Variants in TTN observed in about 807,000 individuals in gnomAD.
TTN encodes the protein connectin.
Under a neutral mutation model 3,223.0 loss-of-function variants are expected in TTN, and 1,525 were observed. That is an observed-to-expected ratio of 0.47 (90% confidence interval 0.45 to 0.49). TTN has a LOEUF of 0.49. Ranked by LOEUF, TTN falls within the 20% of genes least tolerant of loss-of-function variation. The probability of loss-of-function intolerance (pLI) is 0.00; values close to 1 mark genes in which losing one functional copy is unlikely to be tolerated. For synonymous variants in TTN, 14,094 were observed against 15,161.0 expected (o/e 0.93, Z 5.17); for missense variants, 40,786 against 43,424.0 (o/e 0.94, Z 5.40).
At position 178,589,985 on chromosome 2, in the gene TTN, A is replaced by G. The variant is rs750575772; in HGVS notation, c.61740T>C (p.Asn20580=). ...PGPCQNLKVT[N]VTKENCTISW... is the part of the protein sequence containing the mutation. ...AAATTGTACAGTTCTCTTTGGTTAC[A>G]TTGGTAACCTTCAAATTCTGGCAAG... Residue 20580 remains asparagine, a synonymous_variant, in exon 304 of 363, where the codon AAT becomes AAC. Coordinates refer to ENST00000589042, the MANE Select transcript of TTN (RefSeq NM_001267550.2). The G allele has an allele frequency of 5.0e-5, 81 of 1,613,156 alleles. 4 individuals are homozygous for G. The South Asian group carries it at 8.2e-4, about 16-fold the overall frequency.
rs1169966053 is a variant in TTN, at chr2:178,652,828, C to A, written c.38959+20G>T. On this transcript the variant is annotated intron_variant, in intron 200 of 362. Transcript: ENST00000589042. ...ATAGAGGAGTTTGATCTTCTGAAGC[C>A]TAAAGCCAGTGACAAATACCTTTAA... is the stretch of plus-strand genomic sequence containing the variant. The A allele has an allele frequency of 6.2e-7, 1 of 1,604,492 alleles. No individual in the cohort carries two copies. Among genetic ancestry groups the A allele is most frequent in the Non-Finnish European group, 8.5e-7 (1 of 1,176,856 alleles).
chr2:178,537,964 T>A, intron 354 of TTN, 47 bp from the exon 355 acceptor site: 1 of 1,449,260 alleles, frequency 6.9e-7, no homozygotes, highest in Non-Finnish European at 9.3e-7. Flanking sequence ...ATACTCAATC[T>A]GTAATCCTTT....
At chr2:178,677,091 CTG>C (rs2068235837) in intron 147 of TTN, 108 bp downstream of exon 147, 3 of 570,514 alleles carry the variant, frequency 5.3e-6, no homozygotes, top group Non-Finnish European at 7.3e-6. Flanking sequence ...AAATATGTAA[CTG>C]TGTGATTATC....
chr2:178,667,774 A>C, intron 159 of TTN, 53 bp from the exon 160 acceptor site: 4 of 1,284,372 alleles, frequency 3.1e-6, no homozygotes, highest in Non-Finnish European at 4.3e-6. Context: ...TGGATAAAGA[A>C]GTGTATTAAG....
chr2:178,759,948 G>A (rs2088601699), intron 43 of TTN, among the ~76,000 whole-genome samples: 1 of 152,182 alleles, frequency 6.6e-6, no homozygotes, highest in Non-Finnish European at 1.5e-5. Flanking sequence ...AGGTTATTGT[G>A]TTGTAATAAT....
At chr2:178,619,144 T>G in intron 250 of TTN, 1 of 435,748 alleles carries the variant, frequency 2.3e-6, no homozygotes, top group South Asian at 2.8e-5. Context: ...ACATGTTTTG[T>G]TTTGTTTTTT....
At chr2:178,627,017 T>C (rs936896274) in intron 240 of TTN, among the ~76,000 whole-genome samples, 1 of 151,880 alleles carries the variant, frequency 6.6e-6, no homozygotes, top group African/African-American at 2.4e-5. Context: ...ATGAAATGAA[T>C]GTTGAAGATT....
chr2:178,731,085 G>A lies in TTN; in HGVS notation c.17580C>T (p.Gly5860=), dbSNP rs777863021. 24 of 1,613,498 alleles carry A rather than the reference G, an allele frequency of 1.5e-5. No individual in the cohort carries two copies. Among genetic ancestry groups the A allele is most frequent in the Non-Finnish European group, 1.9e-5 (23 of 1,179,704 alleles). Residue 5860 remains glycine (G), a synonymous_variant, in exon 60 of 363, where the codon GGC becomes GGT. Coordinates refer to ENST00000589042, the MANE Select transcript of TTN (RefSeq NM_001267550.2). ...KEITAKWFKD[G]QELTLGSKYK... ...ATTTTGAGCCCAGGGTCAGTTCTTG[G>A]CCATCTTTAAACCATTTGGCTGTAA...
chr2:178,724,029 C>T lies in TTN; in HGVS notation c.21230G>A (p.Trp7077Ter). Residue 7077 changes from tryptophan to a stop codon, truncating the protein, a stop_gained, in exon 73 of 363, where the codon TGG becomes TAG. Transcript: ENST00000589042. LOFTEE classifies it high-confidence loss of function. ...GACAATCTTGGTTTTCTCATGAAAC[C>T]AGGCAACTGAAATAGGTGATGATCC... Reference protein sequence around the residue: ...VAGSSPISVAWFHEKTKIVSG... With the variant: ...VAGSSPISVA The T allele has an allele frequency of 1.2e-6, 2 of 1,613,516 alleles. No individual in the cohort carries two copies. Among genetic ancestry groups the T allele is most frequent in the Non-Finnish European group, 1.7e-6 (2 of 1,179,622 alleles).
chr2:178,581,978 T>C lies in TTN; in HGVS notation c.66391A>G (p.Thr22131Ala), dbSNP rs140842479. 130 of 1,613,352 alleles carry C rather than the reference T, an allele frequency of 8.1e-5. No homozygotes were observed. In the African/African-American group the frequency reaches 1.3e-3, roughly 16 times the overall value. ...CCTGGTCCAGCTTTATTTATAGCTG[T>C]AACACGGAACTCATATTCGGTACCT... ...QEGTEYEFRVTAINKAGPGKP... is the reference protein window; with the variant it reads ...QEGTEYEFRVAAINKAGPGKP... The change falls in exon 315 of 363, where the codon ACA (threonine) becomes GCA (alanine). Residue 22131 changes from threonine (T) to alanine (A), a missense_variant. By Grantham distance (58) the Thr-to-Ala change is moderately conservative. Transcript: ENST00000589042.
rs1349154909 is a variant in TTN, at chr2:178,715,534, G to A, written c.25880C>T (p.Ala8627Val). 2 of 1,613,280 alleles carry A rather than the reference G, an allele frequency of 1.2e-6. No homozygotes were observed. Among genetic ancestry groups the A allele is most frequent in the Non-Finnish European group, 1.7e-6 (2 of 1,179,484 alleles). ...SGDYTCEAHN[A>V]AGSASSSTSL... ...TGTGCTGCTGCTGGCACTGCCTGCT[G>A]CATTGTGGGCCTCACAGGTGTAGTC... Residue 8627 changes from alanine to valine, a missense_variant, in exon 89 of 363, where the codon GCA becomes GTA. Transcript: ENST00000589042.
At chr2:178,749,967 GT>G (rs1164686211) in intron 47 of TTN, 4 of 1,613,200 alleles carry the variant, frequency 2.5e-6, no homozygotes, top group Non-Finnish European at 3.4e-6. Flanking sequence ...ACAAATCTGT[GT>G]TTTGGTGATT....
rs1554006249 is a variant in TTN, at chr2:178,775,996, CT to C, written c.5867del (p.Lys1956SerfsTer22). 6.2e-7 allele frequency: 1 copy of C among 1,614,152 alleles called. No individual in the cohort carries two copies. The highest frequency in any genetic ancestry group is 8.5e-7 in the Non-Finnish European group (1 of 1,180,006). ...CCACTTTTTGTACTTCAAACTGAAG[CT>C]TTCCTGGTTCATGTACGTGAAACTC... ...RPEFHVHEPG[K>X]LQFEVQKVDR... On this transcript the variant is annotated frameshift_variant, in exon 28 of 363. Transcript: ENST00000589042. LOFTEE classifies it high-confidence loss of function.
Position 178,554,993 on chromosome 2 carries a change from A to G in TTN, c.88466T>C (p.Val29489Ala). The part of the protein sequence containing the change: ...KELQTNALVC[V>A]ENTTDLASIL... ...AGATGCGAGGTCCGTGGTATTTTCA[A>G]CACACACCAGTGCATTGGTTTGTAA... Residue 29489 changes from valine (V) to alanine (A), a missense_variant, in exon 331 of 363, where the codon GTT becomes GCT. Val to Ala is a moderately conservative substitution (Grantham distance 64, BLOSUM62 0). Transcript: ENST00000589042. 6.2e-7 allele frequency: 1 copy of G among 1,613,680 alleles called. No individual in the cohort carries two copies. The highest frequency in any genetic ancestry group is 8.5e-7 in the Non-Finnish European group (1 of 1,179,780).
At chr2:178,806,199 AT>A (rs908325461) in intron 1 of TTN, among the ~76,000 whole-genome samples, 3 of 151,996 alleles carry the variant, frequency 2.0e-5, no homozygotes, top group African/African-American at 4.8e-5. Context: ...GCTTTCATAA[AT>A]TTTTTTTGTC....
At position 178,559,359 on chromosome 2, in the gene TTN, A is replaced by T. The variant is rs1234811705; in HGVS notation, c.86773T>A (p.Phe28925Ile). ...GTTTCAGCTGGTATACCAACACCAA[A>T]CTCATTTTCTCCAGAGACTCTGAAG... ...YYFRVSGENE[F>I]GVGIPAETKE... Residue 28925 changes from phenylalanine (F) to isoleucine (I), a missense_variant, in exon 326 of 363, where the codon TTT becomes ATT. Transcript: ENST00000589042. 2 of 1,612,398 alleles carry T rather than the reference A, an allele frequency of 1.2e-6. No individual in the cohort carries two copies. Among genetic ancestry groups the T allele is most frequent in the Non-Finnish European group, 1.7e-6 (2 of 1,178,966 alleles).
chr2:178,781,562 G>A (rs1476368062), intron 20 of TTN, among the ~76,000 whole-genome samples: 1 of 151,764 alleles, frequency 6.6e-6, no homozygotes, highest in African/African-American at 2.4e-5. Flanking sequence ...TTAAACAACA[G>A]GTATTTTCTC....
At chr2:178,795,294 A>AG (rs1222700895) in intron 6 of TTN, 42 bp from the exon 7 acceptor site, 1 of 1,584,408 alleles carries the variant, frequency 6.3e-7, no homozygotes, top group Non-Finnish European at 8.7e-7. Flanking sequence ...CAAAGCAAGG[A>AG]GGGGTAACTG....
In TTN at chr2:178,543,349, C is replaced by T; in HGVS notation, c.96624G>A (p.Lys32208=). 6.2e-7 allele frequency: 1 copy of T among 1,613,838 alleles called. No individual in the cohort carries two copies. Among genetic ancestry groups the T allele is most frequent in the Non-Finnish European group, 8.5e-7 (1 of 1,179,800 alleles). The change falls in exon 347 of 363, where the codon AAG becomes AAA. Residue 32208 remains lysine, a synonymous_variant. Coordinates refer to ENST00000589042, the MANE Select transcript of TTN (RefSeq NM_001267550.2). ...ATTTGGTGACATCGACCACTTCTAG[C>T]TTTGCAGGCACCAAAGGCACTTCTG... The part of the protein sequence containing the change: ...LVSEVPLVPA[K]LEVVDVTKST...
Sources: allele counts gnomAD v4.1 joint callset (sites outside exome capture counted in the v4.1 genomes callset), GRCh38; gene constraint gnomAD v4.1.1; transcripts MANE v1.5; gene names NCBI Gene and HGNC (gene_info 2026-07-23, HGNC 2026-07-21).